RALGPS2: variants seen among roughly 807,000 people sequenced by gnomAD.
The protein encoded by RALGPS2 is ras-specific guanine nucleotide-releasing factor RalGPS2.
RALGPS2 carries 43 observed loss-of-function variants against 86.8 expected under a neutral mutation model. The ratio of observed to expected loss-of-function variants is 0.50; its 90% CI spans 0.39 to 0.64. The LOEUF (loss-of-function observed/expected upper bound fraction) is 0.64. RALGPS2 is among the 30% of genes least tolerant of loss of function. RALGPS2 has a pLI of 0.00. For synonymous variants in RALGPS2, 243 were observed against 231.3 expected (o/e 1.05, Z -0.46); for missense variants, 536 against 694.6 (o/e 0.77, Z 2.57).
intron 1 of RALGPS2, among the ~76,000 whole-genome samples, chr1:178,755,056 T>G (rs1214495789): frequency 6.6e-6 from 1 of 152,246 alleles, no homozygotes; most frequent in East Asian, 1.9e-4. Context: ...TGTCTTGGCC[T>G]CCTAAAGTGC....
intron 7 of RALGPS2, among the ~76,000 whole-genome samples, chr1:178,829,754 A>AT (rs1053745510): frequency 4.6e-5 from 7 of 151,358 alleles, no homozygotes; most frequent in South Asian, 2.1e-4. Flanking sequence ...ATTTATTTTT[A>AT]TTTTTTTTGA....
chr1:178,798,823 C>T (rs1224102138), intron 4 of RALGPS2, among the ~76,000 whole-genome samples: 1 of 152,008 alleles, frequency 6.6e-6, no homozygotes, highest in Non-Finnish European at 1.5e-5. Flanking sequence ...AAAAAGCAAA[C>T]TCATTATATG....
intron 8 of RALGPS2, among the ~76,000 whole-genome samples, chr1:178,862,899 A>G (rs1022051768): frequency 2.0e-5 from 3 of 152,188 alleles, no homozygotes; most frequent in African/African-American, 7.2e-5. Flanking sequence ...ATGTAAATAT[A>G]TTTTGATGGA....
chr1:178,856,394 ATTTTTTTTTTTTTTTT>A (rs71108081), intron 8 of RALGPS2, among the ~76,000 whole-genome samples: 3 of 36,432 alleles, frequency 8.2e-5, no homozygotes, highest in Non-Finnish European at 1.4e-4. Context: ...TGCCTGGCTA[ATTTTTTTTTTTTTTTT>A]TTTTTTTTTT....
In RALGPS2 at chr1:178,892,626, T is replaced by G. The variant is rs151325288; in HGVS notation, c.1325+319T>G. ...TGAATGAACAATATAAAAATCTGCT[T>G]CTTTATTCATAAGTTGTAATCAAAG... is the stretch of plus-strand genomic sequence containing the variant. On this transcript the variant is annotated intron_variant, in intron 15 of 19. Transcript: ENST00000367635. Among the ~76,000 whole-genome samples, 1,060 of 152,248 alleles carry G rather than the reference T, an allele frequency of 7.0e-3. 7 individuals are homozygous for G. Among genetic ancestry groups the G allele is most frequent in the Non-Finnish European group, 8.8e-3 (598 of 67,990 alleles).
intron 10 of RALGPS2, among the ~76,000 whole-genome samples, chr1:178,880,495 T>G (rs1202400247): frequency 6.6e-6 from 1 of 152,192 alleles, no homozygotes; most frequent in African/African-American, 2.4e-5. Context: ...AGAAGCTTTT[T>G]AAGACTGGAG....
intron 6 of RALGPS2, among the ~76,000 whole-genome samples, chr1:178,815,036 A>G (rs1289548105): frequency 1.3e-5 from 2 of 151,670 alleles, no homozygotes; most frequent in Non-Finnish European, 2.9e-5. Flanking sequence ...CTGTTTTGGT[A>G]TTGGTCTTTT....
chr1:178,784,120 T>C (rs922401742), intron 2 of RALGPS2, among the ~76,000 whole-genome samples: 1 of 152,182 alleles, frequency 6.6e-6, no homozygotes, highest in Non-Finnish European at 1.5e-5. Context: ...TTGAGAATCA[T>C]TGAACTAGTT....
chr1:178,810,569 G>A (rs183158813), intron 5 of RALGPS2, among the ~76,000 whole-genome samples: 2 of 150,802 alleles, frequency 1.3e-5, no homozygotes, highest in Non-Finnish European at 2.9e-5. Context: ...TGTTAGAACT[G>A]GGGAGGATTA....
intron 1 of RALGPS2, among the ~76,000 whole-genome samples, chr1:178,743,320 C>A (rs1242405131): frequency 1.3e-5 from 2 of 152,156 alleles, no homozygotes; most frequent in Non-Finnish European, 2.9e-5. Context: ...TCAAATCATT[C>A]ACTTCCATTT....
intron 1 of RALGPS2, 66 bp from the exon 2 acceptor site, chr1:178,776,616 T>C (rs1022086631): frequency 3.9e-6 from 2 of 510,156 alleles, no homozygotes; most frequent in African/African-American, 2.0e-5. Context: ...GGCATGGTGG[T>C]AGGCATAGAG....
At chr1:178,791,890 A>G (rs945664966) in intron 4 of RALGPS2, among the ~76,000 whole-genome samples, 1 of 152,140 alleles carries the variant, frequency 6.6e-6, no homozygotes, top group Admixed American at 6.6e-5. Flanking sequence ...TGCTCGGGGG[A>G]AAAAAAGAAA....
chr1:178,731,494 A>C (rs916848253), intron 1 of RALGPS2, among the ~76,000 whole-genome samples: 1 of 151,352 alleles, frequency 6.6e-6, no homozygotes, highest in Non-Finnish European at 1.5e-5. Flanking sequence ...TGTTGGCCAG[A>C]CCAGTCTCAA....
chr1:178,825,459 A>G (rs186331576), intron 7 of RALGPS2, among the ~76,000 whole-genome samples: 3 of 152,158 alleles, frequency 2.0e-5, no homozygotes, highest in Non-Finnish European at 2.9e-5. Flanking sequence ...GGTAGAAGAT[A>G]AGATCATTGG....
intron 8 of RALGPS2, among the ~76,000 whole-genome samples, chr1:178,836,507 CT>C (rs1656279701): frequency 6.6e-6 from 1 of 152,038 alleles, no homozygotes. Flanking sequence ...TTGTTGTCAC[CT>C]TTTTCTCCAT....
At chr1:178,838,597 C>G (rs1194248824) in intron 8 of RALGPS2, among the ~76,000 whole-genome samples, 1 of 152,190 alleles carries the variant, frequency 6.6e-6, no homozygotes, top group Non-Finnish European at 1.5e-5. Context: ...GCTGAAAATT[C>G]TAAAAATCAG....
chr1:178,796,655 T>C (rs920299652), intron 4 of RALGPS2, among the ~76,000 whole-genome samples: 6 of 152,252 alleles, frequency 3.9e-5, no homozygotes, highest in African/African-American at 4.8e-5. Flanking sequence ...GAACATTCCT[T>C]TTAAGAGTAT....
Position 178,896,467 on chromosome 1 carries a change from CTT to C in RALGPS2, c.1432-1185_1432-1184del, listed in dbSNP as rs754576893. Among the ~76,000 whole-genome samples the C allele has an allele frequency of 1.5e-3, 199 of 136,870 alleles. 2 individuals carry two copies. Among genetic ancestry groups the C allele is most frequent in the African/African-American group, 4.8e-3 (182 of 37,560 alleles). 89.8% of individuals were successfully genotyped at this position (136,870 alleles called of 152,430 possible). On this transcript the variant is annotated intron_variant, in intron 16 of 19. Coordinates refer to ENST00000367635, the MANE Select transcript of RALGPS2 (RefSeq NM_152663.5). ...AAGCAAACTTCTTTATTTTTTTTTTCTTTTTTTTTTTTTATTATACTTTAAGT... is the reference window on the plus strand; with the variant it reads ...AAGCAAACTTCTTTATTTTTTTTTTCTTTTTTTTTTTATTATACTTTAAGT...
chr1:178,801,259 C>G (rs1267593349), intron 4 of RALGPS2, among the ~76,000 whole-genome samples: 1 of 151,928 alleles, frequency 6.6e-6, no homozygotes, highest in Non-Finnish European at 1.5e-5. Flanking sequence ...ATGTGGGTCT[C>G]TTTTTTGTTC....
Sources: allele counts gnomAD v4.1 joint callset (sites outside exome capture counted in the v4.1 genomes callset), GRCh38; gene constraint gnomAD v4.1.1; transcripts MANE v1.5; gene names NCBI Gene and HGNC (gene_info 2026-07-23, HGNC 2026-07-21).